The following WIPI1 variants were observed in gnomAD, a reference collection of about 807,000 sequenced individuals.
WIPI1 encodes the protein WD repeat domain, phosphoinositide interacting 1.
In WIPI1, 45 loss-of-function variants were observed where a neutral mutation model predicts 55.3. That is an observed-to-expected ratio of 0.81 (90% confidence interval 0.64 to 1.04). The LOEUF (loss-of-function observed/expected upper bound fraction) is 1.04. Ranked by LOEUF, WIPI1 falls within the 50% of genes least tolerant of loss-of-function variation. The pLI, the probability that WIPI1 is intolerant of heterozygous loss-of-function variation, is 0.00. For missense variants in WIPI1, 445 were observed against 559.0 expected (o/e 0.80, Z 2.06); for synonymous variants, 195 against 217.6 (o/e 0.90, Z 0.92).
In WIPI1 at chr17:68,427,064, G is replaced by A. The variant is rs1261052984; in HGVS notation, c.1192+71C>T. On this transcript the variant is annotated intron_variant, in intron 11 of 12. Coordinates refer to ENST00000262139, the MANE Select transcript of WIPI1 (RefSeq NM_017983.7). ...GGTAACAGTGAAGGGGGAAGGGGAGGGAGCGTGCAGGGAGAAGGGGAGGGA... is the reference window on the plus strand; with the variant it reads ...GGTAACAGTGAAGGGGGAAGGGGAGAGAGCGTGCAGGGAGAAGGGGAGGGA... 19 of 1,273,702 alleles carry A rather than the reference G, an allele frequency of 1.5e-5. No individual in the cohort carries two copies. In the East Asian group the frequency reaches 4.4e-4, roughly 30 times the overall value. 78.9% of individuals were successfully genotyped at this position (1,273,702 alleles called of 1,614,324 possible). A position where few individuals can be genotyped will look rare whatever the true frequency, so the allele number is the denominator to read the frequency against.
rs1301767839 is a variant in WIPI1 at position 68,450,926 on chromosome 17, A to T, written c.164-29T>A. 5 of 1,599,970 alleles carry T rather than the reference A, an allele frequency of 3.1e-6. No individual in the cohort carries two copies. The African/African-American group carries it at 6.7e-5, about 21-fold the overall frequency. On this transcript the variant is annotated intron_variant, in intron 2 of 12. Coordinates refer to ENST00000262139, the MANE Select transcript of WIPI1 (RefSeq NM_017983.7). ...GGAGGAAAAGCAGCCGGGAGGTTAC[A>T]TGGATTGATCACTTCCAAGAAGGAT...
At chr17:68,430,251 TC>T (rs1377793922) in intron 8 of WIPI1, 91 bp from the exon 9 acceptor site, 4 of 1,321,256 alleles carry the variant, frequency 3.0e-6, no homozygotes, top group Admixed American at 2.3e-5. Context: ...TTAGCCACAC[TC>T]CCCGCAGCAG....
intron 4 of WIPI1, 47 bp from the exon 5 acceptor site, chr17:68,436,526 G>C: frequency 6.4e-7 from 1 of 1,570,792 alleles, no homozygotes; most frequent in Non-Finnish European, 8.8e-7. Context: ...CCAAGGGAGA[G>C]ATTGCACGGC....
chr17:68,427,061 G>A (rs2083243934), intron 11 of WIPI1, 74 bp downstream of exon 11: 2 of 1,253,910 alleles, frequency 1.6e-6, no homozygotes, highest in Non-Finnish European at 1.2e-6. Context: ...GGGGGAAGGG[G>A]AGGGAGCGTG....
In WIPI1 at chr17:68,450,893, T is replaced by C. The variant is rs962023408; in HGVS notation, c.168A>G (p.Glu56=). 6.2e-7 allele frequency: 1 copy of C among 1,611,542 alleles called. No homozygotes were observed. Among genetic ancestry groups the C allele is most frequent in the Admixed American group, 1.7e-5 (1 of 59,422 alleles). ...EQLDQVHGSN[E]IPDVYIVERL... is the part of the protein sequence containing the mutation. ...GCTCCACGATGTAGACGTCCGGGATTTCATCTGGGAGGAAAAGCAGCCGGG... is the reference window on the plus strand; with the variant it reads ...GCTCCACGATGTAGACGTCCGGGATCTCATCTGGGAGGAAAAGCAGCCGGG... The change falls in exon 3 of 13, where the codon GAA becomes GAG. Residue 56 remains glutamate (E), a synonymous_variant. Coordinates refer to ENST00000262139, the MANE Select transcript of WIPI1 (RefSeq NM_017983.7).
intron 4 of WIPI1, among the ~76,000 whole-genome samples, chr17:68,442,140 C>T (rs1258012468): frequency 2.6e-5 from 4 of 152,108 alleles, no homozygotes; most frequent in Non-Finnish European, 4.4e-5. Flanking sequence ...TTCTGAACTA[C>T]AGAAAAACAA....
intron 8 of WIPI1, among the ~76,000 whole-genome samples, chr17:68,431,470 C>T (rs945440065): frequency 1.3e-5 from 2 of 151,984 alleles, no homozygotes; most frequent in African/African-American, 4.8e-5. Context: ...GGCTCTGCAG[C>T]AGGTCTGACT....
intron 11 of WIPI1, among the ~76,000 whole-genome samples, chr17:68,426,729 T>G (rs1314196114): frequency 6.6e-6 from 1 of 152,084 alleles, no homozygotes; most frequent in Non-Finnish European, 1.5e-5. Flanking sequence ...GAGATGGGGT[T>G]TCACCATGTT....
At position 68,432,171 on chromosome 17, in the gene WIPI1, G is replaced by T. The variant is rs529837673; in HGVS notation, c.800+1297C>A. Among the ~76,000 whole-genome samples the T allele has an allele frequency of 1.7e-3, 264 of 152,272 alleles. 1 individual carries two copies. The highest frequency in any genetic ancestry group is 6.1e-3 in the African/African-American group (252 of 41,548). On this transcript the variant is annotated intron_variant, in intron 8 of 12. Transcript: ENST00000262139. ...GTTGGAAAGTTCTGGAAAGATGAAG[G>T]AGCGAGAAGGGAGCCGCCCCCAGTG...
rs139044411 is a variant in WIPI1, at chr17:68,452,967, C to A, written c.106G>T (p.Gly36Trp). 13 of 1,613,930 alleles carry A rather than the reference C, an allele frequency of 8.1e-6. No individual in the cohort carries two copies. The highest frequency in any genetic ancestry group is 1.0e-5 in the Non-Finnish European group (12 of 1,179,966). The change falls in exon 2 of 13, where the codon GGG (glycine) becomes TGG (tryptophan). Residue 36 changes from glycine to tryptophan, a missense_variant. Physicochemically the swap from Gly to Trp is radical, Grantham distance 184 (BLOSUM62 -2). Transcript: ENST00000262139. Reference protein sequence around the residue: ...CTSLATGTKAGYKLFSLSSVE... With the variant: ...CTSLATGTKAWYKLFSLSSVE... ...GAACTCAGAGAAAACAGCTTATACCCGGCTTTAGTTCCAGTTGCTAGGGAT... is the reference window on the plus strand; with the variant it reads ...GAACTCAGAGAAAACAGCTTATACCAGGCTTTAGTTCCAGTTGCTAGGGAT...
intron 11 of WIPI1, 79 bp from the exon 12 acceptor site, chr17:68,426,254 G>GGGGGCCCCCCCCCCCC: frequency 1.2e-6 from 1 of 816,922 alleles, no homozygotes; most frequent in Non-Finnish European, 1.9e-6. Context: ...GGGAGCGGGG[G>GGGGGCCCCCCCCCCCC]CTCAAATAAA....
intron 4 of WIPI1, among the ~76,000 whole-genome samples, chr17:68,436,820 A>G (rs2083814565): frequency 6.6e-6 from 1 of 152,056 alleles, no homozygotes; most frequent in Admixed American, 6.6e-5. Flanking sequence ...AACATGGTGA[A>G]ACCCCATCTC....
chr17:68,442,464 C>CA (rs1182675630), intron 4 of WIPI1, among the ~76,000 whole-genome samples: 2,889 of 62,416 alleles, frequency 0.046, 45 homozygotes, highest in Admixed American at 0.1. Flanking sequence ...GACTGTGTCT[C>CA]AAAAAAAAAA....
intron 6 of WIPI1, among the ~76,000 whole-genome samples, 163 bp from the exon 7 acceptor site, chr17:68,434,789 A>G (rs943939433): frequency 1.3e-5 from 2 of 152,182 alleles, no homozygotes; most frequent in Non-Finnish European, 2.9e-5. Context: ...CATATCAACA[A>G]TTCTTGGAAA....
chr17:68,427,009 G>A (rs1239559356), intron 11 of WIPI1, 126 bp downstream of exon 11: 3 of 752,246 alleles, frequency 4.0e-6, no homozygotes, highest in East Asian at 2.5e-5. Context: ...ACAGTGAAGG[G>A]GGAAGGGGAG....
At chr17:68,439,980 C>T (rs919318942) in intron 4 of WIPI1, among the ~76,000 whole-genome samples, 1 of 152,224 alleles carries the variant, frequency 6.6e-6, no homozygotes, top group Admixed American at 6.5e-5. Context: ...TATGTTAAAA[C>T]ATAAATATTC....
rs750565634 is a variant in WIPI1 at position 68,426,148 on chromosome 17, C to T, written c.1220G>A (p.Arg407Gln). ...PGYSEDGGALRGEVIPEHEFA... is the reference protein window; with the variant it reads ...PGYSEDGGALQGEVIPEHEFA... ...CTCATGTTCAGGAATAACTTCTCCT[C>T]GCAGCGCCCCGCCGTCCTCAGAATA... Residue 407 changes from arginine to glutamine, a missense_variant, in exon 12 of 13, where the codon CGA (arginine) becomes CAA (glutamine). Transcript: ENST00000262139. 27 of 1,612,058 alleles carry T rather than the reference C, an allele frequency of 1.7e-5. No individual in the cohort carries two copies. Among genetic ancestry groups the T allele is most frequent in the South Asian group, 3.3e-5 (3 of 91,002 alleles).
intron 12 of WIPI1, among the ~76,000 whole-genome samples, chr17:68,424,782 CAGG>C (rs1177723051): frequency 6.6e-6 from 1 of 152,152 alleles, no homozygotes; most frequent in Admixed American, 6.5e-5. Context: ...GAGGCTGAGG[CAGG>C]AGAATTGCTT....
chr17:68,426,583 A>T (rs1324474275), intron 11 of WIPI1, among the ~76,000 whole-genome samples: 1 of 152,150 alleles, frequency 6.6e-6, no homozygotes, highest in Non-Finnish European at 1.5e-5. Context: ...CCCAGGCTGG[A>T]GTGCAGTGGT....
Sources: gnomAD v4.1 joint callset for allele counts (sites outside exome capture counted in the v4.1 genomes callset) on GRCh38, gnomAD v4.1.1 for gene constraint, MANE v1.5 for transcripts, NCBI Gene and HGNC (gene_info 2026-07-23, HGNC 2026-07-21) for gene names.